Variants in OPCML observed in about 807,000 individuals in gnomAD.
OPCML encodes the protein opioid binding protein/cell adhesion molecule like, also known as opioid-binding protein/cell adhesion molecule.
A neutral mutation model predicts 37.8 loss-of-function variants in OPCML; 13 were observed. The observed-to-expected ratio is 0.34, with a 90% CI of 0.22 to 0.55. OPCML has a LOEUF of 0.55. Ranked by LOEUF, OPCML falls within the 20% of genes least tolerant of loss-of-function variation. OPCML has a pLI of 0.91. For missense variants in OPCML, 341 were observed against 435.6 expected (o/e 0.78, Z 1.93); for synonymous variants, 176 against 168.8 (o/e 1.04, Z -0.33).
chr11:132,677,111 T>C (rs1457239979), intron 2 of OPCML, among the ~76,000 whole-genome samples: 1 of 151,928 alleles, frequency 6.6e-6, no homozygotes, highest in Admixed American at 6.6e-5. Flanking sequence ...CCCCAAGAAA[T>C]ATGTGGAGAC....
intron 1 of OPCML, among the ~76,000 whole-genome samples, chr11:132,968,841 C>T (rs963642992): frequency 1.3e-5 from 2 of 152,096 alleles, no homozygotes; most frequent in Non-Finnish European, 2.9e-5. Flanking sequence ...GATTTACTTC[C>T]TCCTTCCCTA....
chr11:132,820,788 A>G (rs1939934334), intron 2 of OPCML, among the ~76,000 whole-genome samples: 1 of 152,126 alleles, frequency 6.6e-6, no homozygotes, highest in African/African-American at 2.4e-5. Context: ...AGTCTAAGAG[A>G]TTTTTAACCT....
chr11:132,930,176 G>A (rs1945150886), intron 2 of OPCML, among the ~76,000 whole-genome samples: 3 of 151,992 alleles, frequency 2.0e-5, no homozygotes. Flanking sequence ...CCAGTCTATA[G>A]AACATGGCAA....
intron 3 of OPCML, among the ~76,000 whole-genome samples, chr11:132,636,490 A>G (rs893784558): frequency 1.3e-5 from 2 of 152,246 alleles, no homozygotes; most frequent in African/African-American, 4.8e-5. Context: ...ACATGCTGGC[A>G]TAGGGAAGTG....
At chr11:133,277,256 G>A (rs1195037249) in intron 1 of OPCML, among the ~76,000 whole-genome samples, 1 of 152,064 alleles carries the variant, frequency 6.6e-6, no homozygotes, top group African/African-American at 2.4e-5. Context: ...CAGTCAATTT[G>A]CCTCCCTGTT....
intron 1 of OPCML, among the ~76,000 whole-genome samples, chr11:133,151,583 G>A (rs967717425): frequency 3.3e-5 from 5 of 152,160 alleles, no homozygotes; most frequent in South Asian, 4.1e-4. Flanking sequence ...TGAGGAAAGT[G>A]CAGTTATGAT....
chr11:132,944,412 A>G (rs1385136917), intron 1 of OPCML, among the ~76,000 whole-genome samples: 2 of 152,114 alleles, frequency 1.3e-5, no homozygotes, highest in African/African-American at 4.8e-5. Context: ...TCCAGCCCTG[A>G]CGGCGCGCTG....
chr11:133,347,783 A>G (rs1400906652), intron 1 of OPCML, among the ~76,000 whole-genome samples: 1 of 152,184 alleles, frequency 6.6e-6, no homozygotes, highest in East Asian at 1.9e-4. Context: ...TGTATCATTC[A>G]CTTCAGCAAT....
chr11:133,186,437 C>T (rs1053880838), intron 1 of OPCML, among the ~76,000 whole-genome samples: 4 of 151,608 alleles, frequency 2.6e-5, no homozygotes, highest in Admixed American at 2.6e-4. Flanking sequence ...CCTCTGCTGG[C>T]CTCTGAAGTG....
At position 133,011,400 on chromosome 11, in the gene OPCML, T is replaced by A. The variant is rs925132442; in HGVS notation, c.62-68390A>T. ...GTGTTGAGGCTGCAACCTTGAATAATACCCACGGGGAACCCTCTGGTGTAG... is the reference window on the plus strand; with the variant it reads ...GTGTTGAGGCTGCAACCTTGAATAAAACCCACGGGGAACCCTCTGGTGTAG... On this transcript the variant is annotated intron_variant, in intron 1 of 7. Coordinates refer to ENST00000524381, the MANE Select transcript of OPCML (RefSeq NM_001012393.5). Among the ~76,000 whole-genome samples the A allele has an allele frequency of 5.9e-5, 9 of 152,210 alleles. 1 individual carries two copies. Among genetic ancestry groups the A allele is most frequent in the Admixed American group, 4.6e-4 (7 of 15,282 alleles).
intron 3 of OPCML, among the ~76,000 whole-genome samples, chr11:132,553,592 A>T (rs1266253490): frequency 6.6e-6 from 1 of 152,208 alleles, no homozygotes; most frequent in Non-Finnish European, 1.5e-5. Context: ...AGTAGGCAAG[A>T]TATGGCTAAT....
At chr11:133,421,828 G>C (rs369262773) in intron 1 of OPCML, 2 of 933,122 alleles carry the variant, frequency 2.1e-6, no homozygotes, top group Non-Finnish European at 2.6e-6. Context: ...CCACAGAGCA[G>C]AAACAAGCCA....
At chr11:133,217,476 G>A (rs970069719) in intron 1 of OPCML, among the ~76,000 whole-genome samples, 2 of 152,162 alleles carry the variant, frequency 1.3e-5, no homozygotes, top group Non-Finnish European at 2.9e-5. Context: ...TGCTCAGGAG[G>A]ACATTTCCCA....
At chr11:133,144,011 T>A (rs779796703) in intron 1 of OPCML, among the ~76,000 whole-genome samples, 1 of 152,212 alleles carries the variant, frequency 6.6e-6, no homozygotes, top group Non-Finnish European at 1.5e-5. Flanking sequence ...TCTTGTTTCA[T>A]GTCTGGATGT....
At chr11:132,483,462 A>T (rs1384247694) in intron 4 of OPCML, among the ~76,000 whole-genome samples, 1 of 152,166 alleles carries the variant, frequency 6.6e-6, no homozygotes. Flanking sequence ...GGGTAGGAAG[A>T]ATCAATATCA....
chr11:132,901,422 C>T (rs77010031), intron 2 of OPCML, among the ~76,000 whole-genome samples: 1,932 of 152,274 alleles, frequency 0.013, 53 homozygotes, highest in African/African-American at 0.044. Context: ...GGGAAAATAA[C>T]TGTTTCACAA....
intron 1 of OPCML, among the ~76,000 whole-genome samples, chr11:133,022,928 C>G (rs1312019477): frequency 2.6e-5 from 4 of 152,130 alleles, no homozygotes; most frequent in African/African-American, 9.7e-5. Context: ...CTCTTGCTAG[C>G]AATACAGGGA....
chr11:132,588,447 C>T (rs908456057), intron 3 of OPCML, among the ~76,000 whole-genome samples: 1 of 152,126 alleles, frequency 6.6e-6, no homozygotes, highest in East Asian at 1.9e-4. Flanking sequence ...CCTTGTATTA[C>T]TACAGCAATG....
chr11:132,559,219 A>G (rs1416845457), intron 3 of OPCML, among the ~76,000 whole-genome samples: 2 of 152,112 alleles, frequency 1.3e-5, no homozygotes, highest in Non-Finnish European at 2.9e-5. Context: ...AACATGCAGC[A>G]TTCTCGGTCT....
Sources: allele counts gnomAD v4.1 joint callset (sites outside exome capture counted in the v4.1 genomes callset), GRCh38; gene constraint gnomAD v4.1.1; transcripts MANE v1.5; gene names NCBI Gene and HGNC (gene_info 2026-07-23, HGNC 2026-07-21).